FGF2: variants seen among roughly 807,000 people sequenced by gnomAD.
FGF2 encodes basic fibroblast growth factor bFGF.
A neutral mutation model predicts 15.9 loss-of-function variants in FGF2; 13 were observed. The observed-to-expected ratio is 0.82, with a 90% CI of 0.53 to 1.30. The LOEUF is 1.30. Ranked by LOEUF, FGF2 falls within the 50% of genes most tolerant of loss-of-function variation. The probability of loss-of-function intolerance (pLI) is 0.00; values close to 1 mark genes in which losing one functional copy is unlikely to be tolerated. For missense variants in FGF2, 163 were observed against 196.9 expected, an observed-to-expected ratio of 0.83 and a Z score of 1.03; for synonymous variants, 90 against 78.4, an observed-to-expected ratio of 1.15 and a Z score of -0.78.
intron 1 of FGF2, among the ~76,000 whole-genome samples, chr4:122,834,966 C>CT (rs1243174854): frequency 6.6e-6 from 1 of 152,142 alleles, no homozygotes; most frequent in Admixed American, 6.5e-5. Flanking sequence ...TTTTGCATGT[C>CT]TGACACCCAT....
At chr4:122,882,799 C>T (rs1213189955) in intron 2 of FGF2, 2 of 152,140 alleles carry the variant, frequency 1.3e-5, no homozygotes, top group Non-Finnish European at 2.9e-5. Context: ...TCTTACCATC[C>T]AATTTGTGTG....
chr4:122,884,095 A>T (rs964094375), intron 2 of FGF2, among the ~76,000 whole-genome samples: 1 of 152,238 alleles, frequency 6.6e-6, no homozygotes, highest in Non-Finnish European at 1.5e-5. Flanking sequence ...TTTTTAAGAG[A>T]TAAAATACTA....
Position 122,827,272 on chromosome 4 carries a change from A to T in FGF2, c.98A>T (p.Tyr33Phe). 6.2e-7 allele frequency: 1 copy of T among 1,612,758 alleles called. No individual in the cohort carries two copies. Among genetic ancestry groups the T allele is most frequent in the East Asian group, 2.2e-5 (1 of 44,852 alleles). ...CACTTCAAGGACCCCAAGCGGCTGT[A>T]CTGCAAAAACGGGGGCTTCTTCCTG... ...PGHFKDPKRL[Y>F]CKNGGFFLRI... Residue 33 changes from tyrosine to phenylalanine, a missense_variant, in exon 1 of 3, where the codon TAC becomes TTC. By Grantham distance (22) the Tyr-to-Phe change is conservative. Coordinates refer to ENST00000644866, the MANE Select transcript of FGF2 (RefSeq NM_001361665.2). This position sits in a 1 kb window ranked among gnomAD's most constrained non-coding sequence, Gnocchi z 4.2.
chr4:122,867,127 C>T (rs1726612076), intron 1 of FGF2, among the ~76,000 whole-genome samples: 1 of 152,150 alleles, frequency 6.6e-6, no homozygotes, highest in Non-Finnish European at 1.5e-5. Context: ...ACAGGTTGCC[C>T]AGGGTTGGGA....
chr4:122,877,445 C>A (rs1378884972), intron 2 of FGF2, among the ~76,000 whole-genome samples: 1 of 152,120 alleles, frequency 6.6e-6, no homozygotes, highest in Non-Finnish European at 1.5e-5. Context: ...TACATGTTAT[C>A]ACAGCTTATC....
chr4:122,876,575 C>T, intron 2 of FGF2, 151 bp downstream of exon 2: 1 of 689,784 alleles, frequency 1.4e-6, no homozygotes, highest in South Asian at 1.6e-5. Flanking sequence ...CTTTATTTCA[C>T]AGATGCAAAA....
Position 122,826,844 on chromosome 4 carries a change from ACGCGGTGCCCG to A in FGF2, c.-328_-318del. 6.7e-7 allele frequency: 1 copy of A among 1,490,934 alleles called. No individual in the cohort carries two copies. The highest frequency in any genetic ancestry group is 1.3e-5 in the South Asian group (1 of 78,346). 92.4% of individuals were successfully genotyped at this position (1,490,934 alleles called of 1,614,324 possible). A position where few individuals can be genotyped will look rare whatever the true frequency, so the allele number is the denominator to read the frequency against. On this transcript the variant is annotated 5_prime_UTR_variant, in exon 1 of 3. Coordinates refer to ENST00000644866, the MANE Select transcript of FGF2 (RefSeq NM_001361665.2). ...GGCCCGGCGGGTGCCAGATTAGCGG[ACGCGGTGCCCG>A]CGGTTGCAACGGGATCCCGGGCGCT...
chr4:122,847,993 A>G (rs1467427909), intron 1 of FGF2, among the ~76,000 whole-genome samples: 1 of 152,268 alleles, frequency 6.6e-6, no homozygotes, highest in Non-Finnish European at 1.5e-5. Context: ...GCTGGGCACT[A>G]TGGCCCAGCC....
chr4:122,867,754 G>A (rs1726631256), intron 1 of FGF2, among the ~76,000 whole-genome samples: 2 of 152,120 alleles, frequency 1.3e-5, no homozygotes, highest in African/African-American at 4.8e-5. Context: ...AATCACGATT[G>A]GTAATGCTGT....
intron 1 of FGF2, among the ~76,000 whole-genome samples, chr4:122,830,982 G>C (rs190172089): frequency 6.6e-6 from 1 of 152,054 alleles, no homozygotes; most frequent in South Asian, 2.1e-4. Context: ...GTGGAGCAGG[G>C]GTGGCTTGTA....
At chr4:122,851,054 C>T (rs1360759389) in intron 1 of FGF2, among the ~76,000 whole-genome samples, 3 of 152,128 alleles carry the variant, frequency 2.0e-5, no homozygotes, top group African/African-American at 4.8e-5. Context: ...TTCCCCTGCT[C>T]CCCCATCCTT....
At chr4:122,892,167 T>C (rs372673514) in intron 2 of FGF2, 44 bp from the exon 3 acceptor site, 13 of 1,414,032 alleles carry the variant, frequency 9.2e-6, no homozygotes, top group Non-Finnish European at 1.2e-5. Flanking sequence ...AGTGTAATAA[T>C]AATAATGATA....
At chr4:122,881,111 G>T (rs1560755845) in intron 2 of FGF2, among the ~76,000 whole-genome samples, 1 of 152,188 alleles carries the variant, frequency 6.6e-6, no homozygotes, top group East Asian at 1.9e-4. Flanking sequence ...GGGAAGCAAG[G>T]CACCAAGTCC....
Position 122,827,164 on chromosome 4 carries a change from C to A in FGF2, c.-11C>A. On this transcript the variant is annotated 5_prime_UTR_variant, in exon 1 of 3. Transcript: ENST00000644866. The surrounding 1 kb of genome is among the most constrained non-coding windows in gnomAD (Gnocchi z 4.2). Reference sequence around the variant, plus strand: ...GCGGCTCGGGGATCCCGGCCGGGCCCCGCAGGGACCATGGCAGCCGGGAGC... The same window carrying A: ...GCGGCTCGGGGATCCCGGCCGGGCCACGCAGGGACCATGGCAGCCGGGAGC... 6.5e-7 allele frequency: 1 copy of A among 1,529,218 alleles called. No homozygotes were observed. 94.7% of individuals were successfully genotyped at this position (1,529,218 alleles called of 1,614,324 possible).
chr4:122,865,712 C>T (rs1167129645), intron 1 of FGF2, among the ~76,000 whole-genome samples: 1 of 152,118 alleles, frequency 6.6e-6, no homozygotes, highest in Non-Finnish European at 1.5e-5. Flanking sequence ...TGTATTGAGG[C>T]TTGTTTTATG....
intron 1 of FGF2, among the ~76,000 whole-genome samples, chr4:122,868,586 T>G (rs907678806): frequency 2.6e-5 from 4 of 152,196 alleles, no homozygotes; most frequent in African/African-American, 9.7e-5. Context: ...AACACACATG[T>G]GCATGTGTCT....
At chr4:122,842,559 C>T (rs989295008) in intron 1 of FGF2, among the ~76,000 whole-genome samples, 6 of 152,096 alleles carry the variant, frequency 3.9e-5, no homozygotes, top group Non-Finnish European at 8.8e-5. Flanking sequence ...CTGTGAAGCT[C>T]GTCTCTGTGT....
rs956615664 is a variant in FGF2 at position 122,841,147 on chromosome 4, A to G, written c.178+13795A>G. 2.0e-5 allele frequency among the ~76,000 whole-genome samples: 3 copies of G among 152,196 alleles called. No homozygotes were observed. The South Asian group carries it at 6.2e-4, about 32-fold the overall frequency. On this transcript the variant is annotated intron_variant, in intron 1 of 2. Transcript: ENST00000644866. ...AAAAGATGTGTATTTTCTTCAAGAG[A>G]GTCTAGAGTTTTTCGTATTTAGGAT...
Position 122,895,715 on chromosome 4 carries a change from T to C in FGF2, c.*3319T>C, listed in dbSNP as rs2150797162. 6.6e-6 allele frequency: 1 copy of C among 152,286 alleles called. No individual in the cohort carries two copies. Among genetic ancestry groups the C allele is most frequent in the South Asian group, 2.1e-4 (1 of 4,832 alleles). The allele number at this position is 152,286 out of a possible 1,614,324, so 9.4% of individuals were successfully genotyped here. ...ATTTTCTATATGACCCTCTTGATAT[T>C]TAAAAAACACTATGGATAACAATTC... On this transcript the variant is annotated 3_prime_UTR_variant, in exon 3 of 3. Coordinates refer to ENST00000644866, the MANE Select transcript of FGF2 (RefSeq NM_001361665.2).
Sources: allele counts gnomAD v4.1 joint callset (sites outside exome capture counted in the v4.1 genomes callset), GRCh38; gene constraint gnomAD v4.1.1; non-coding constraint Gnocchi (gnomAD v3.1); transcripts MANE v1.5; gene names NCBI Gene and HGNC (gene_info 2026-07-23, HGNC 2026-07-21).